The following TRANK1 variants were observed in gnomAD, a reference collection of about 807,000 sequenced individuals.
TRANK1 encodes tetratricopeptide repeat and ankyrin repeat containing 1, also known as TPR and ankyrin repeat-containing protein 1.
TRANK1 carries 198 observed loss-of-function variants against 266.0 expected under a neutral mutation model. The ratio of observed to expected loss-of-function variants is 0.74; its 90% CI spans 0.66 to 0.84. The LOEUF (loss-of-function observed/expected upper bound fraction) is 0.84, where lower values mean the gene tolerates loss of function less well. TRANK1 is among the 40% of genes least tolerant of loss of function. TRANK1 has a pLI of 0.00. For missense variants in TRANK1, 3,326 were observed against 3,634.6 expected (o/e 0.92, Z 2.18); for synonymous variants, 1,396 against 1,384.1 (o/e 1.01, Z -0.19).
At position 36,830,854 on chromosome 3, in the gene TRANK1, C is replaced by G. The variant is rs572418310; in HGVS notation, c.8710+19G>C. On this transcript the variant is annotated intron_variant, in intron 22 of 23. Coordinates refer to ENST00000645898, the MANE Select transcript of TRANK1 (RefSeq NM_001329998.2). ...CCAGGTCTCACTCTGCCTGGGCCCC[C>G]ATCTCTGCAGACCCTTACCGCCAGC... 8.3e-6 allele frequency: 13 copies of G among 1,566,660 alleles called. No homozygotes were observed. The highest frequency in any genetic ancestry group is 2.7e-5 in the African/African-American group (2 of 73,648).
chr3:36,899,212 G>C lies in TRANK1; in HGVS notation c.330C>G (p.Tyr110Ter), dbSNP rs917389910. The change falls in exon 4 of 24, where the codon TAC becomes TAG. Residue 110 changes from tyrosine to a stop codon, truncating the protein, a stop_gained. Transcript: ENST00000645898. LOFTEE classifies it high-confidence loss of function. ...GYSLLRLHQP[Y>*]EAARMFFEGL... ...CCTCAAAAAACATGCGAGCGGCTTC[G>C]TAAGGCTGGTGCAACCTCAGCAAGG... The C allele has an allele frequency of 6.5e-7, 1 of 1,537,300 alleles. No individual in the cohort carries two copies. Among genetic ancestry groups the C allele is most frequent in the Admixed American group, 2.0e-5 (1 of 51,006 alleles).
intron 22 of TRANK1, among the ~76,000 whole-genome samples, chr3:36,830,551 A>G (rs1222779773): frequency 2.0e-5 from 3 of 152,212 alleles, no homozygotes; most frequent in Non-Finnish European, 4.4e-5. Flanking sequence ...TCTGGCAAGA[A>G]TCATTCTGAC....
Position 36,833,767 on chromosome 3 carries a change from T to A in TRANK1, c.5816A>T (p.Gln1939Leu). 1 of 1,614,036 alleles carries A rather than the reference T, an allele frequency of 6.2e-7. No individual in the cohort carries two copies. The highest frequency in any genetic ancestry group is 8.5e-7 in the Non-Finnish European group (1 of 1,179,906). The part of the protein sequence containing the change: ...AVLSKLDIED[Q>L]LVFLKSRKRL... ...TTTCCGAGACTTCAAGAACACCAGC[T>A]GGTCTTCTATGTCTAGCTTTGAGAG... Residue 1939 changes from glutamine to leucine, a missense_variant, in exon 22 of 24, where the codon CAG becomes CTG. By Grantham distance (113) the Gln-to-Leu change is moderately radical. Transcript: ENST00000645898.
intron 20 of TRANK1, among the ~76,000 whole-genome samples, chr3:36,837,998 A>G (rs1052986191): frequency 2.6e-5 from 4 of 152,234 alleles, no homozygotes; most frequent in Non-Finnish European, 5.9e-5. Context: ...AGGAACCTCC[A>G]TCTAAATGCC....
intron 1 of TRANK1, among the ~76,000 whole-genome samples, chr3:36,916,666 A>G (rs987836618): frequency 3.9e-4 from 59 of 152,368 alleles, no homozygotes; most frequent in African/African-American, 1.3e-3. Flanking sequence ...AGAGCAGCCA[A>G]TAAGAGTTCC....
At chr3:36,902,905 C>A (rs1485209636) in intron 3 of TRANK1, among the ~76,000 whole-genome samples, 1 of 152,238 alleles carries the variant, frequency 6.6e-6, no homozygotes, top group African/African-American at 2.4e-5. Context: ...CTTGTTTTTA[C>A]TCTTCTCCAG....
At position 36,831,967 on chromosome 3, in the gene TRANK1, A is replaced by G; in HGVS notation, c.7616T>C (p.Val2539Ala). The change falls in exon 22 of 24, where the codon GTG becomes GCG. Residue 2539 changes from valine (V) to alanine (A), a missense_variant. Val to Ala is a moderately conservative substitution (Grantham distance 64). Transcript: ENST00000645898. The surrounding 1 kb of genome is among the most constrained non-coding windows in gnomAD (Gnocchi z 5.0). Reference sequence around the variant, plus strand: ...GGCATCAAGCAGGACGTTGAAGTTCACATTCTCATAGCCACATAGCACCTT... The same window carrying G: ...GGCATCAAGCAGGACGTTGAAGTTCGCATTCTCATAGCCACATAGCACCTT... Reference protein sequence around the residue: ...LAKVLCGYENVNFNVLLDAFS... With the variant: ...LAKVLCGYENANFNVLLDAFS... 6.2e-7 allele frequency: 1 copy of G among 1,614,030 alleles called. No individual in the cohort carries two copies. Among genetic ancestry groups the G allele is most frequent in the Non-Finnish European group, 8.5e-7 (1 of 1,179,908 alleles).
At chr3:36,900,873 A>AAAAAAAAAAAAAAAAAAAAAAAC in intron 3 of TRANK1, among the ~76,000 whole-genome samples, 1 of 148,180 alleles carries the variant, frequency 6.7e-6, no homozygotes, top group East Asian at 2.0e-4. Context: ...AAAAAAAAAA[A>AAAAAAAAAAAAAAAAAAAAAAAC]AAAGATAACA....
chr3:36,912,072 C>G (rs2080060437), intron 1 of TRANK1, among the ~76,000 whole-genome samples: 4 of 152,074 alleles, frequency 2.6e-5, no homozygotes, highest in African/African-American at 9.7e-5. Context: ...TGCCTATAGC[C>G]CCAGCTACTC....
At chr3:36,883,531 A>G (rs1244601493) in intron 8 of TRANK1, among the ~76,000 whole-genome samples, 1 of 136,434 alleles carries the variant, frequency 7.3e-6, no homozygotes, top group Non-Finnish European at 1.6e-5. Flanking sequence ...GTAACTCTTC[A>G]TGCAAAAAAA....
At chr3:36,885,255 C>T (rs1158568621) in intron 8 of TRANK1, among the ~76,000 whole-genome samples, 4 of 152,180 alleles carry the variant, frequency 2.6e-5, no homozygotes, top group Non-Finnish European at 5.9e-5. Context: ...CCCCTTGGTA[C>T]GATTCACTGA....
intron 1 of TRANK1, among the ~76,000 whole-genome samples, chr3:36,939,705 T>C (rs898208998): frequency 7.2e-5 from 11 of 152,176 alleles, no homozygotes; most frequent in Non-Finnish European, 1.6e-4. Context: ...GAAACAGCAA[T>C]AACAAAAAAC....
chr3:36,899,404 T>TAACA, intron 3 of TRANK1, 145 bp from the exon 4 acceptor site: 1 of 912,280 alleles, frequency 1.1e-6, no homozygotes. Flanking sequence ...CCTGTAATCC[T>TAACA]AACATTCCGA....
chr3:36,934,691 T>A (rs1034022757), intron 1 of TRANK1, among the ~76,000 whole-genome samples: 2 of 152,150 alleles, frequency 1.3e-5, no homozygotes, highest in Admixed American at 6.5e-5. Context: ...CCCAGATGAA[T>A]CCTATGTGCC....
At chr3:36,880,898 A>AC (rs1374435059) in intron 8 of TRANK1, among the ~76,000 whole-genome samples, 116 of 33,098 alleles carry the variant, frequency 3.5e-3, no homozygotes, top group Non-Finnish European at 5.0e-3. Flanking sequence ...CCCTCCCCCC[A>AC]CCCCACAACA....
At chr3:36,851,570 A>G in intron 15 of TRANK1, 149 bp downstream of exon 15, 1 of 1,237,596 alleles carries the variant, frequency 8.1e-7, no homozygotes, top group Non-Finnish European at 1.1e-6. Context: ...TAAACACACA[A>G]AACCTCATAC....
chr3:36,910,783 C>A (rs2080040501), intron 1 of TRANK1, among the ~76,000 whole-genome samples: 1 of 149,824 alleles, frequency 6.7e-6, no homozygotes, highest in Non-Finnish European at 1.5e-5. Context: ...TGCAAAAGAC[C>A]CAGTGCGCTG....
At chr3:36,862,297 T>C (rs958969351) in intron 10 of TRANK1, among the ~76,000 whole-genome samples, 2 of 152,192 alleles carry the variant, frequency 1.3e-5, no homozygotes, top group Non-Finnish European at 2.9e-5. Flanking sequence ...TAAGAGCAAC[T>C]TGATTTGCAT....
At position 36,828,274 on chromosome 3, in the gene TRANK1, A is replaced by AT. The variant is rs780434745; in HGVS notation, c.8910dup. 20 of 1,608,136 alleles carry AT rather than the reference A, an allele frequency of 1.2e-5. No individual in the cohort carries two copies. The highest frequency in any genetic ancestry group is 5.3e-5 in the African/African-American group (4 of 74,878). On this transcript the variant is annotated 3_prime_UTR_variant, in exon 24 of 24. Transcript: ENST00000645898. ...ATGAGGAGGCTGCAGCTGTGTGGACATTAGTATTTTCTCTGCTTTCCACAT... is the reference window on the plus strand; with the variant it reads ...ATGAGGAGGCTGCAGCTGTGTGGACATTTAGTATTTTCTCTGCTTTCCACAT...
Sources: gnomAD v4.1 joint callset for allele counts (sites outside exome capture counted in the v4.1 genomes callset) on GRCh38, gnomAD v4.1.1 for gene constraint, Gnocchi (gnomAD v3.1) non-coding constraint, MANE v1.5 for transcripts, NCBI Gene and HGNC (gene_info 2026-07-23, HGNC 2026-07-21) for gene names.